The following ZNF512B variants were observed in gnomAD, a reference collection of about 807,000 sequenced individuals.
ZNF512B encodes zinc finger protein 512B.
ZNF512B carries 22 observed loss-of-function variants against 87.8 expected under a neutral mutation model. The ratio of observed to expected loss-of-function variants is 0.25; its 90% CI spans 0.18 to 0.36. The LOEUF (loss-of-function observed/expected upper bound fraction) is 0.36, where lower values mean the gene tolerates loss of function less well. Among genes scored for constraint, ZNF512B ranks in the 10% least tolerant of loss-of-function variants. The pLI is 1.00. For missense variants in ZNF512B, 1,060 were observed against 1,231.6 expected (o/e 0.86, Z 2.09); for synonymous variants, 524 against 490.9 (o/e 1.07, Z -0.89).
rs1339671720 is a variant in ZNF512B, at chr20:63,961,108, C to T, written c.2427+201G>A. The stretch of plus-strand genomic sequence containing the variant: ...GGACACCCCGAGGGCAGCTCCAGCT[C>T]AGGGTGCAAGCCTCCCAGTTCTCCC... On this transcript the variant is annotated intron_variant, in intron 16 of 16. Transcript: ENST00000369888. This position sits in a 1 kb window ranked among gnomAD's most constrained non-coding sequence, Gnocchi z 6.4. Among the ~76,000 whole-genome samples, 1 of 152,196 alleles carries T rather than the reference C, an allele frequency of 6.6e-6. No individual in the cohort carries two copies. The highest frequency in any genetic ancestry group is 6.5e-5 in the Admixed American group (1 of 15,284).
intron 2 of ZNF512B, 128 bp downstream of exon 2, chr20:63,967,702 G>A (rs1219355975): frequency 2.1e-5 from 32 of 1,498,194 alleles, no homozygotes; most frequent in Non-Finnish European, 2.7e-5. Context: ...CCCTACCCTG[G>A]TAAGGTCCTT....
Position 63,967,095 on chromosome 20 carries a change from A to ATGAGCCCCTCAACCTC in ZNF512B, c.265-92_265-91insGAGGTTGAGGGGCTCA, listed in dbSNP as rs1170850920. 6.5e-4 allele frequency: 1,015 copies of ATGAGCCCCTCAACCTC among 1,570,392 alleles called. 5 individuals carry two copies. In the African/African-American group the frequency reaches 0.012, roughly 19 times the overall value. On this transcript the variant is annotated intron_variant, in intron 3 of 16. Transcript: ENST00000369888. ...AGACTCAGAGCCCCCCCGGGCCTGCAGGGCACACACACCACATGAGCCCCT... is the reference window on the plus strand; with the variant it reads ...AGACTCAGAGCCCCCCCGGGCCTGCATGAGCCCCTCAACCTCGGGCACACACACCACATGAGCCCCT...
In ZNF512B at chr20:63,964,623, C is replaced by T. The variant is rs147400252; in HGVS notation, c.1128G>A (p.Ser376=). Residue 376 remains serine, a synonymous_variant, in exon 6 of 17, where the codon TCG becomes TCA. Coordinates refer to ENST00000369888, the MANE Select transcript of ZNF512B (RefSeq NM_020713.3). ...EYGPSSMGQS[S]AFQLSADTSS... is the part of the protein sequence containing the mutation. The stretch of plus-strand genomic sequence containing the variant: ...TGGTGTCTGCACTCAGCTGGAAGGC[C>T]GAGCTCTGGCCCATGGAGGAGGGGC... 7.4e-6 allele frequency: 12 copies of T among 1,612,938 alleles called. No homozygotes were observed. Among genetic ancestry groups the T allele is most frequent in the Admixed American group, 3.3e-5 (2 of 59,994 alleles).
Position 63,963,861 on chromosome 20 carries a change from G to A in ZNF512B, c.1533C>T (p.Val511=). 1 of 1,612,654 alleles carries A rather than the reference G, an allele frequency of 6.2e-7. No homozygotes were observed. The highest frequency in any genetic ancestry group is 8.5e-7 in the Non-Finnish European group (1 of 1,180,024). Reference sequence around the variant, plus strand: ...GGGTGACCACGTTGCAGGTGGGGCAGACGGCTTCCCCGCGCTCATGGATGG... The same window carrying A: ...GGGTGACCACGTTGCAGGTGGGGCAAACGGCTTCCCCGCGCTCATGGATGG... ...QRAIHERGEA[V]CPTCNVVTRK... is the part of the protein sequence containing the mutation. Residue 511 remains valine (V), a synonymous_variant, in exon 9 of 17, where the codon GTC becomes GTT. Transcript: ENST00000369888.
rs2058963643 is a variant in ZNF512B, at chr20:63,969,894, G to A, written c.-83C>T. 1.4e-5 allele frequency: 2 copies of A among 146,452 alleles called. No individual in the cohort carries two copies. The highest frequency in any genetic ancestry group is 1.5e-5 in the Non-Finnish European group (1 of 65,886). 9.1% of individuals were successfully genotyped at this position (146,452 alleles called of 1,614,324 possible). On this transcript the variant is annotated 5_prime_UTR_variant, in exon 1 of 17. Transcript: ENST00000369888. ...GGGGCGCGGGGCGCTGGGTCCGGGC[G>A]GCGCAGGCTGCGCGCCGCGCTGCGC...
Position 63,963,126 on chromosome 20 carries a change from T to G in ZNF512B, c.1937A>C (p.Asp646Ala). Residue 646 changes from aspartate (D) to alanine (A), a missense_variant, in exon 12 of 17, where the codon GAC becomes GCC. Physicochemically the swap from Asp to Ala is moderately radical, Grantham distance 126. Transcript: ENST00000369888. ...GKTYRSKAGH[D>A]YHVRSEHTAP... Reference sequence around the variant, plus strand: ...CGTGTGCTCCGAGCGCACGTGGTAGTCGTGGCCAGCCTTGGATCGGTACGT... The same window carrying G: ...CGTGTGCTCCGAGCGCACGTGGTAGGCGTGGCCAGCCTTGGATCGGTACGT... 2 of 1,559,324 alleles carry G rather than the reference T, an allele frequency of 1.3e-6. No individual in the cohort carries two copies. Among genetic ancestry groups the G allele is most frequent in the Non-Finnish European group, 1.7e-6 (2 of 1,159,654 alleles).
Position 63,966,704 on chromosome 20 carries a change from T to C in ZNF512B, c.471A>G (p.Lys157=). The stretch of plus-strand genomic sequence containing the variant: ...GGTCCATGTGGTTCCAGATCCGGTG[T>C]TTCTCCAGCTGGGTCTTAGAGGTGA... ...AAFTSKTQLE[K]HRIWNHMDRP... is the part of the protein sequence containing the mutation. The change falls in exon 5 of 17, where the codon AAA becomes AAG. Residue 157 remains lysine (K), a synonymous_variant. Coordinates refer to ENST00000369888, the MANE Select transcript of ZNF512B (RefSeq NM_020713.3). The C allele has an allele frequency of 2.5e-6, 4 of 1,611,256 alleles. No individual in the cohort carries two copies. Among genetic ancestry groups the C allele is most frequent in the Non-Finnish European group, 3.4e-6 (4 of 1,179,150 alleles).
rs1236662056 is a variant in ZNF512B at position 63,958,496 on chromosome 20, G to T, written c.*1392C>A. 2.6e-5 allele frequency: 4 copies of T among 152,294 alleles called. No homozygotes were observed. Among genetic ancestry groups the T allele is most frequent in the Non-Finnish European group, 5.9e-5 (4 of 68,052 alleles). The allele number at this position is 152,294 out of a possible 1,614,324, so 9.4% of individuals were successfully genotyped here. A position where few individuals can be genotyped will look rare whatever the true frequency, so the allele number is the denominator to read the frequency against. On this transcript the variant is annotated 3_prime_UTR_variant, in exon 17 of 17. Coordinates refer to ENST00000369888, the MANE Select transcript of ZNF512B (RefSeq NM_020713.3). ...AACATCAAAATTCTCATCGTCCAGGGTCAGTGGGGCCGAGCCCTCAGCCCA... is the reference window on the plus strand; with the variant it reads ...AACATCAAAATTCTCATCGTCCAGGTTCAGTGGGGCCGAGCCCTCAGCCCA...
Position 63,959,527 on chromosome 20 carries a change from G to A in ZNF512B, c.*361C>T, listed in dbSNP as rs2058826951. On this transcript the variant is annotated 3_prime_UTR_variant, in exon 17 of 17. Transcript: ENST00000369888. ...CCTGAGCCTTGGGGTAGCCAGGGAA[G>A]GGACCCGGCAGGGCCTGAGGAAGCG... The A allele has an allele frequency of 3.7e-6, 1 of 270,592 alleles. No individual in the cohort carries two copies. The highest frequency in any genetic ancestry group is 6.9e-6 in the Non-Finnish European group (1 of 144,844). 16.8% of individuals were successfully genotyped at this position (270,592 alleles called of 1,614,324 possible). A position where few individuals can be genotyped will look rare whatever the true frequency, so the allele number is the denominator to read the frequency against.
Position 63,963,628 on chromosome 20 carries a change from T to G in ZNF512B, c.1688A>C (p.His563Pro). The change falls in exon 10 of 17, where the codon CAC becomes CCC. Residue 563 changes from histidine (H) to proline (P), a missense_variant. Coordinates refer to ENST00000369888, the MANE Select transcript of ZNF512B (RefSeq NM_020713.3). Reference protein sequence around the residue: ...AGLNYHTMAEHSAKPSDAEAS... With the variant: ...AGLNYHTMAEPSAKPSDAEAS... ...GGGGCCCGACGGTACCTTGGCACTG[T>G]GCTCGGCCATAGTGTGGTAGTTGAG... 6.2e-7 allele frequency: 1 copy of G among 1,613,588 alleles called. No homozygotes were observed. The highest frequency in any genetic ancestry group is 8.5e-7 in the Non-Finnish European group (1 of 1,180,008).
rs148117690 is a variant in ZNF512B at position 63,964,147 on chromosome 20, G to A, written c.1404C>T (p.Asp468=). 47 of 1,603,750 alleles carry A rather than the reference G, an allele frequency of 2.9e-5. No homozygotes were observed. The highest frequency in any genetic ancestry group is 1.0e-4 in the Admixed American group (6 of 58,256). The stretch of plus-strand genomic sequence containing the variant: ...GGGCAGCTGGCACCTTCTTCCGGGC[G>A]TCCTCAGGGCCTGGCCCCTCCTGCT... The part of the protein sequence containing the change: ...SKKQEGPGPE[D]ARKKVPAAPI... Residue 468 remains aspartate (D), a synonymous_variant, in exon 8 of 17, where the codon GAC becomes GAT. Transcript: ENST00000369888.
intron 12 of ZNF512B, 77 bp downstream of exon 12, chr20:63,963,018 A>G: frequency 6.9e-7 from 1 of 1,453,522 alleles, no homozygotes. Context: ...GGACAAATAC[A>G]GTTGGCACCC....
chr20:63,969,861 G>GGGGGCGC lies in ZNF512B; in HGVS notation c.-57_-51dup, dbSNP rs1165080706. 262 of 144,204 alleles carry GGGGGCGC rather than the reference G, an allele frequency of 1.8e-3. 2 individuals carry two copies. The highest frequency in any genetic ancestry group is 5.8e-3 in the African/African-American group (233 of 40,268). The allele number at this position is 144,204 out of a possible 1,614,324, so 8.9% of individuals were successfully genotyped here. A position where few individuals can be genotyped will look rare whatever the true frequency, so the allele number is the denominator to read the frequency against. On this transcript the variant is annotated 5_prime_UTR_variant, in exon 1 of 17. Coordinates refer to ENST00000369888, the MANE Select transcript of ZNF512B (RefSeq NM_020713.3). ...GGCCGGGCCGGGCCGGGCCGGGGCG[G>GGGGGCGC]GGGGCGCGGGGCGCGGGGCGCTGGG...
chr20:63,966,235 T>C lies in ZNF512B; in HGVS notation c.940A>G (p.Ile314Val). ...KPVTVSRPIA[I>V]SRHTPPCKMV... ...TTGCAGGGCGGTGTGTGTCTGCTGA[T>C]AGCAATGGGCCTGCTGACTGTCACC... The change falls in exon 5 of 17, where the codon ATC (isoleucine) becomes GTC (valine). Residue 314 changes from isoleucine to valine, a missense_variant. Coordinates refer to ENST00000369888, the MANE Select transcript of ZNF512B (RefSeq NM_020713.3). 4.3e-6 allele frequency: 7 copies of C among 1,614,006 alleles called. No homozygotes were observed. Among genetic ancestry groups the C allele is most frequent in the South Asian group, 1.1e-5 (1 of 91,090 alleles).
rs1190667957 is a variant in ZNF512B, at chr20:63,962,791, A to G, written c.1969-10T>C. Reference sequence around the variant, plus strand: ...TGGGCTCCTCAGGGGGCTGGAGGGCAGGAAGGCATGGAGGCTAGAGTGAGC... The same window carrying G: ...TGGGCTCCTCAGGGGGCTGGAGGGCGGGAAGGCATGGAGGCTAGAGTGAGC... On this transcript the variant is annotated splice_polypyrimidine_tract_variant and intron_variant, in intron 12 of 16. Coordinates refer to ENST00000369888, the MANE Select transcript of ZNF512B (RefSeq NM_020713.3). The G allele has an allele frequency of 6.3e-7, 1 of 1,588,928 alleles. No individual in the cohort carries two copies. Among genetic ancestry groups the G allele is most frequent in the South Asian group, 1.1e-5 (1 of 88,980 alleles).
intron 1 of ZNF512B, 109 bp downstream of exon 1, chr20:63,969,705 G>T (rs1352096379): frequency 1.9e-4 from 27 of 143,076 alleles, no homozygotes; most frequent in African/African-American, 6.8e-4. Context: ...GGGGCGGGGG[G>T]GCTCCGGGCC....
At position 63,961,828 on chromosome 20, in the gene ZNF512B, GA is replaced by G; in HGVS notation, c.2328+113del. On this transcript the variant is annotated intron_variant, in intron 15 of 16. Transcript: ENST00000369888. The surrounding 1 kb of genome is among the most constrained non-coding windows in gnomAD (Gnocchi z 6.4). The stretch of plus-strand genomic sequence containing the variant: ...GGTTCGTGGAAGAGGAGGCCACGTA[GA>G]AAAAGTAGGGGACAAGGCAGGGTCC... The G allele has an allele frequency of 6.0e-6, 7 of 1,163,150 alleles. No individual in the cohort carries two copies. The highest frequency in any genetic ancestry group is 8.7e-6 in the Non-Finnish European group (7 of 808,796). 72.1% of individuals were successfully genotyped at this position (1,163,150 alleles called of 1,614,324 possible). A position where few individuals can be genotyped will look rare whatever the true frequency, so the allele number is the denominator to read the frequency against.
In ZNF512B at chr20:63,966,150, C is replaced by G. The variant is rs764979207; in HGVS notation, c.1025G>C (p.Gly342Ala). ...KAPRATGRNS[G>A]KKRAADSLDT... Reference sequence around the variant, plus strand: ...GGACGAGCCCCCATACCTTTTCTTACCACTGTTCCTCCCTGTGGCACGAGG... The same window carrying G: ...GGACGAGCCCCCATACCTTTTCTTAGCACTGTTCCTCCCTGTGGCACGAGG... The change falls in exon 5 of 17, where the codon GGT (glycine) becomes GCT (alanine). Residue 342 changes from glycine (G) to alanine (A), a missense_variant. Physicochemically the swap from Gly to Ala is moderately conservative, Grantham distance 60. Around this residue, in one of 9 missense-constraint regions of ZNF512B, gnomAD observed 12 missense variants for 32.0 expected, o/e 0.38. Coordinates refer to ENST00000369888, the MANE Select transcript of ZNF512B (RefSeq NM_020713.3). 4.4e-6 allele frequency: 7 copies of G among 1,599,882 alleles called. No individual in the cohort carries two copies. Among genetic ancestry groups the G allele is most frequent in the Admixed American group, 1.7e-5 (1 of 59,576 alleles).
Position 63,960,097 on chromosome 20 carries a change from T to C in ZNF512B, c.2470A>G (p.Ser824Gly), listed in dbSNP as rs773342369. 2 of 1,613,934 alleles carry C rather than the reference T, an allele frequency of 1.2e-6. No individual in the cohort carries two copies. Among genetic ancestry groups the C allele is most frequent in the Non-Finnish European group, 1.7e-6 (2 of 1,180,006 alleles). Residue 824 changes from serine (S) to glycine (G), a missense_variant, in exon 17 of 17, where the codon AGC (serine) becomes GGC (glycine). Coordinates refer to ENST00000369888, the MANE Select transcript of ZNF512B (RefSeq NM_020713.3). ...TTCTTGGGCACCAATGAGTCCTGGC[T>C]CCTGTGTTTGGGAGGTGGGTCTGCT... ...TSADPPPKHR[S>G]QDSLVPKKEK...
Sources: gnomAD v4.1 joint callset for allele counts (sites outside exome capture counted in the v4.1 genomes callset) on GRCh38, gnomAD v4.1.1 for gene constraint, gnomAD v4.1.1 regional missense constraint, Gnocchi (gnomAD v3.1) non-coding constraint, MANE v1.5 for transcripts, NCBI Gene and HGNC (gene_info 2026-07-23, HGNC 2026-07-21) for gene names.